SMARCB1: variants seen among roughly 807,000 people sequenced by gnomAD.
SMARCB1 encodes the protein SWI/SNF-related matrix-associated actin-dependent regulator of chromatin subfamily B member 1.
In SMARCB1, 5 loss-of-function variants were observed where a neutral mutation model predicts 49.0. The ratio of observed to expected loss-of-function variants is 0.10; its 90% CI spans 0.05 to 0.21. The LOEUF (loss-of-function observed/expected upper bound fraction) is 0.21, where lower values mean the gene tolerates loss of function less well. Among genes scored for constraint, SMARCB1 ranks in the 10% least tolerant of loss-of-function variants. SMARCB1 has a pLI of 1.00. For synonymous variants in SMARCB1, 201 were observed against 200.1 expected (o/e 1.00, Z -0.04); for missense variants, 226 against 509.2 (o/e 0.44, Z 5.35).
intron 8 of SMARCB1, among the ~76,000 whole-genome samples, 176 bp downstream of exon 8, chr22:23,833,879 T>C (rs2030810599): frequency 2.6e-5 from 4 of 152,196 alleles, no homozygotes; most frequent in Admixed American, 1.3e-4. Context: ...AGGGTATGTT[T>C]CCCTGCATGG....
intron 2 of SMARCB1, 181 bp from the exon 3 acceptor site, chr22:23,793,378 A>T: frequency 1.3e-6 from 1 of 740,914 alleles, no homozygotes; most frequent in South Asian, 1.4e-5. Flanking sequence ...CAGGACTTGT[A>T]AGTAAAGCAC....
At chr22:23,799,216 G>A (rs1214815844) in intron 3 of SMARCB1, among the ~76,000 whole-genome samples, 4 of 152,098 alleles carry the variant, frequency 2.6e-5, no homozygotes, top group African/African-American at 7.2e-5. Context: ...AGAGCACAAC[G>A]GGCACCCAAA....
At chr22:23,807,961 A>AT (rs374625560) in intron 5 of SMARCB1, among the ~76,000 whole-genome samples, 3,487 of 105,190 alleles carry the variant, frequency 0.033, 199 homozygotes, top group African/African-American at 0.098. Context: ...CACCCGGCTA[A>AT]TTTTTTTTTT....
At chr22:23,801,111 G>T (rs765693551) in intron 4 of SMARCB1, 30 bp downstream of exon 4, 2 of 1,614,126 alleles carry the variant, frequency 1.2e-6, no homozygotes, top group Non-Finnish European at 1.7e-6. Flanking sequence ...CTCACCCTCC[G>T]TGCTGATTCC....
intron 7 of SMARCB1, among the ~76,000 whole-genome samples, chr22:23,832,055 T>G (rs2030684076): frequency 6.6e-6 from 1 of 152,208 alleles, no homozygotes; most frequent in Non-Finnish European, 1.5e-5. Context: ...GCCAGTGCCC[T>G]GCGCTGTGCC....
intron 1 of SMARCB1, among the ~76,000 whole-genome samples, chr22:23,789,781 A>C (rs897761751): frequency 6.6e-6 from 1 of 152,202 alleles, no homozygotes; most frequent in Admixed American, 6.5e-5. Context: ...TCAGAGCTCT[A>C]TTGAAATTCA....
In SMARCB1 at chr22:23,835,892, G is replaced by T; in HGVS notation, c.*1712G>T. 1 of 985,506 alleles carries T rather than the reference G, an allele frequency of 1.0e-6. No individual in the cohort carries two copies. The highest frequency in any genetic ancestry group is 1.2e-6 in the Non-Finnish European group (1 of 829,966). 61.0% of individuals were successfully genotyped at this position (985,506 alleles called of 1,614,324 possible). On this transcript the variant is annotated 3_prime_UTR_variant, in exon 9 of 9. Transcript: ENST00000644036. ...CTCCTGACCGCCAGCTCACACCGCC[G>T]CAAAGCCATCTCCACAAGGTCTGGC... is the stretch of plus-strand genomic sequence containing the variant.
chr22:23,807,590 A>T (rs1929573013), intron 5 of SMARCB1, among the ~76,000 whole-genome samples: 2 of 73,440 alleles, frequency 2.7e-5, no homozygotes, highest in South Asian at 3.7e-4. Flanking sequence ...CTTTTTTTTT[A>T]AAGTTAAAAA....
At chr22:23,832,329 A>C (rs1326651577) in intron 7 of SMARCB1, among the ~76,000 whole-genome samples, 1 of 152,114 alleles carries the variant, frequency 6.6e-6, no homozygotes, top group Non-Finnish European at 1.5e-5. Context: ...CACAGCAATA[A>C]ATGTTTCCAT....
chr22:23,791,212 A>C (rs540772800), intron 1 of SMARCB1, among the ~76,000 whole-genome samples: 7 of 152,348 alleles, frequency 4.6e-5, no homozygotes, highest in African/African-American at 1.4e-4. Flanking sequence ...TGTTTGAGTC[A>C]GTGATGATTT....
intron 2 of SMARCB1, chr22:23,792,352 GA>G: frequency 3.0e-6 from 1 of 331,918 alleles, no homozygotes; most frequent in East Asian, 7.8e-5. Flanking sequence ...CAGTGTGCTA[GA>G]GCCCATGTGC....
At chr22:23,832,082 C>A (rs148056803) in intron 7 of SMARCB1, among the ~76,000 whole-genome samples, 36 of 152,294 alleles carry the variant, frequency 2.4e-4, no homozygotes, top group Admixed American at 1.4e-3. Context: ...CCCTGAGACC[C>A]CAGGCTGAGG....
intron 7 of SMARCB1, among the ~76,000 whole-genome samples, chr22:23,833,046 G>T (rs931180383): frequency 1.3e-5 from 2 of 152,220 alleles, no homozygotes; most frequent in Non-Finnish European, 2.9e-5. Flanking sequence ...TGAGGGGCAA[G>T]TGTGTGGAAC....
At chr22:23,795,553 G>T (rs978808923) in intron 3 of SMARCB1, among the ~76,000 whole-genome samples, 9 of 151,972 alleles carry the variant, frequency 5.9e-5, no homozygotes, top group African/African-American at 1.9e-4. Flanking sequence ...TACTCAGGAA[G>T]GCTGAGGCAG....
intron 5 of SMARCB1, among the ~76,000 whole-genome samples, chr22:23,807,788 CT>C (rs757004907): frequency 9.4e-6 from 1 of 106,132 alleles, no homozygotes; most frequent in Admixed American, 1.1e-4. Context: ...TGGTAGATTT[CT>C]TTTTTTTTCT....
intron 5 of SMARCB1, among the ~76,000 whole-genome samples, chr22:23,809,080 G>A (rs998987520): frequency 6.6e-6 from 1 of 150,790 alleles, no homozygotes; most frequent in Non-Finnish European, 1.5e-5. Flanking sequence ...TGATCTGCCC[G>A]CCTTGGCCTC....
intron 6 of SMARCB1, chr22:23,817,843 G>A (rs993872785): frequency 6.9e-6 from 1 of 145,746 alleles, no homozygotes; most frequent in Non-Finnish European, 1.5e-5. Flanking sequence ...TATTTAGTTA[G>A]TCAAGACAGT....
At chr22:23,815,042 C>T (rs969932764) in intron 5 of SMARCB1, 1 of 150,492 alleles carries the variant, frequency 6.6e-6, no homozygotes, top group Non-Finnish European at 1.5e-5. Flanking sequence ...GGCAAATAAA[C>T]ATTGAAAAGC....
At chr22:23,831,600 C>T (rs756777688) in intron 7 of SMARCB1, among the ~76,000 whole-genome samples, 10 of 152,138 alleles carry the variant, frequency 6.6e-5, no homozygotes, top group African/African-American at 1.4e-4. Context: ...ATGGTTGGTG[C>T]GAGCATTTCT....
Sources: gnomAD v4.1 joint callset for allele counts (sites outside exome capture counted in the v4.1 genomes callset) on GRCh38, gnomAD v4.1.1 for gene constraint, MANE v1.5 for transcripts, NCBI Gene and HGNC (gene_info 2026-07-23, HGNC 2026-07-21) for gene names.